Variants in XKR4 observed in about 807,000 individuals in gnomAD.
XKR4 encodes the protein XK related 4, also known as XK-related protein 4.
XKR4 carries 12 observed loss-of-function variants against 53.9 expected under a neutral mutation model. That is an observed-to-expected ratio of 0.22 (90% CI 0.14 to 0.36). XKR4 has a LOEUF of 0.36. XKR4 is among the 10% of genes least tolerant of loss of function. The pLI, the probability that XKR4 is intolerant of heterozygous loss-of-function variation, is 1.00. For missense variants in XKR4, 799 were observed against 859.5 expected, an observed-to-expected ratio of 0.93 and a Z score of 0.88; for synonymous variants, 354 against 362.4, an observed-to-expected ratio of 0.98 and a Z score of 0.26.
chr8:55,301,849 T>C (rs1485337362), intron 1 of XKR4, among the ~76,000 whole-genome samples: 1 of 152,242 alleles, frequency 6.6e-6, no homozygotes, highest in Non-Finnish European at 1.5e-5. Context: ...GGTTGTTTGT[T>C]TTTTTCTTGT....
chr8:55,277,772 G>A (rs1286646495), intron 1 of XKR4, among the ~76,000 whole-genome samples: 1 of 152,080 alleles, frequency 6.6e-6, no homozygotes, highest in Non-Finnish European at 1.5e-5. Context: ...AGACTACAGA[G>A]GGAGGCCCAT....
chr8:55,424,035 C>G (rs1239844126), intron 2 of XKR4, among the ~76,000 whole-genome samples: 1 of 152,210 alleles, frequency 6.6e-6, no homozygotes, highest in Non-Finnish European at 1.5e-5. Context: ...CAAACGCACA[C>G]CTGGGCCATC....
chr8:55,244,091 G>A (rs1818249408), intron 1 of XKR4, among the ~76,000 whole-genome samples: 1 of 152,090 alleles, frequency 6.6e-6, no homozygotes, highest in African/African-American at 2.4e-5. Flanking sequence ...TTAGGTTCAG[G>A]GGAACATGTG....
chr8:55,244,454 A>T (rs942492542), intron 1 of XKR4, among the ~76,000 whole-genome samples: 6 of 152,038 alleles, frequency 3.9e-5, no homozygotes, highest in African/African-American at 1.4e-4. Context: ...CATTTCCTTT[A>T]TTCAGTCTAC....
rs1460863768 is a variant in XKR4 at position 55,523,345 on chromosome 8, C to G, written c.1071C>G (p.Leu357=). 1.2e-6 allele frequency: 2 copies of G among 1,614,154 alleles called. No homozygotes were observed. Among genetic ancestry groups the G allele is most frequent in the South Asian group, 1.1e-5 (1 of 91,078 alleles). Residue 357 remains leucine (L), a synonymous_variant, in exon 3 of 3, where the codon CTC becomes CTG. Coordinates refer to ENST00000327381, the MANE Select transcript of XKR4 (RefSeq NM_052898.2). ...CCTTGGCCTCCTACCAGAAGGCCCT[C>G]CGGGACTCTCGAGATGACAAGAAGC... ...AWALASYQKA[L]RDSRDDKKPI...
intron 2 of XKR4, among the ~76,000 whole-genome samples, chr8:55,383,832 G>A (rs1393854192): frequency 6.6e-6 from 1 of 152,070 alleles, no homozygotes; most frequent in Non-Finnish European, 1.5e-5. Flanking sequence ...AAGGTTATAG[G>A]AAGAAAAAGG....
chr8:55,163,117 C>T (rs1413914276), intron 1 of XKR4, among the ~76,000 whole-genome samples: 1 of 152,214 alleles, frequency 6.6e-6, no homozygotes, highest in Non-Finnish European at 1.5e-5. Flanking sequence ...TAGAATGTCT[C>T]TCTCCCTAAA....
chr8:55,270,506 A>G (rs925456905), intron 1 of XKR4, among the ~76,000 whole-genome samples: 2 of 152,138 alleles, frequency 1.3e-5, no homozygotes, highest in Non-Finnish European at 2.9e-5. Context: ...TGTCTATCTG[A>G]TGATTCCCAT....
intron 1 of XKR4, among the ~76,000 whole-genome samples, chr8:55,280,110 A>G (rs896502446): frequency 3.3e-5 from 5 of 152,346 alleles, no homozygotes; most frequent in South Asian, 4.1e-4. Context: ...CACTTTTCAA[A>G]TTAAAATGAA....
intron 2 of XKR4, among the ~76,000 whole-genome samples, chr8:55,494,936 G>A (rs1186236414): frequency 6.6e-6 from 1 of 152,126 alleles, no homozygotes; most frequent in East Asian, 1.9e-4. Context: ...GCATCACCAG[G>A]CACATGCCCA....
chr8:55,338,868 A>G (rs1803501819), intron 1 of XKR4, among the ~76,000 whole-genome samples: 1 of 152,252 alleles, frequency 6.6e-6, no homozygotes, highest in Non-Finnish European at 1.5e-5. Flanking sequence ...GATTCCAGAC[A>G]AAGCTAACAT....
intron 1 of XKR4, among the ~76,000 whole-genome samples, chr8:55,281,684 C>G (rs1435952375): frequency 6.6e-6 from 1 of 152,186 alleles, no homozygotes; most frequent in African/African-American, 2.4e-5. Flanking sequence ...AGGGAAGTAT[C>G]TTTTCATTGA....
intron 1 of XKR4, among the ~76,000 whole-genome samples, chr8:55,204,084 C>A (rs1048300471): frequency 1.3e-5 from 2 of 152,212 alleles, no homozygotes; most frequent in South Asian, 4.2e-4. Context: ...AATCATAGCT[C>A]ACTGCAGCCT....
intron 2 of XKR4, among the ~76,000 whole-genome samples, chr8:55,499,764 G>A (rs956981770): frequency 1.3e-5 from 2 of 152,218 alleles, no homozygotes; most frequent in African/African-American, 2.4e-5. Flanking sequence ...CACAGCAGTC[G>A]GCTGAATATC....
At chr8:55,198,022 A>G (rs1817528298) in intron 1 of XKR4, among the ~76,000 whole-genome samples, 1 of 152,240 alleles carries the variant, frequency 6.6e-6, no homozygotes, top group Non-Finnish European at 1.5e-5. Flanking sequence ...AAAATGTTTT[A>G]ATGAAAATCA....
At chr8:55,132,558 A>G (rs1225978750) in intron 1 of XKR4, among the ~76,000 whole-genome samples, 2 of 152,206 alleles carry the variant, frequency 1.3e-5, no homozygotes, top group Non-Finnish European at 2.9e-5. Flanking sequence ...ACTGTACTGT[A>G]CCACAGGTAA....
chr8:55,195,125 T>A (rs1249851772), intron 1 of XKR4, among the ~76,000 whole-genome samples: 1 of 152,188 alleles, frequency 6.6e-6, no homozygotes, highest in African/African-American at 2.4e-5. Context: ...TGTCCCTTGT[T>A]TATTTCAGCA....
At chr8:55,242,757 T>G (rs576132878) in intron 1 of XKR4, among the ~76,000 whole-genome samples, 2 of 152,140 alleles carry the variant, frequency 1.3e-5, no homozygotes, top group East Asian at 3.9e-4. Context: ...AGAGGAGGCA[T>G]GTGTGCAGAG....
At chr8:55,375,133 A>G (rs1236394131) in intron 2 of XKR4, among the ~76,000 whole-genome samples, 1 of 152,236 alleles carries the variant, frequency 6.6e-6, no homozygotes, top group Non-Finnish European at 1.5e-5. Flanking sequence ...GTCTTCACAC[A>G]GCGTGTGGCC....
Sources: gnomAD v4.1 joint callset for allele counts (sites outside exome capture counted in the v4.1 genomes callset) on GRCh38, gnomAD v4.1.1 for gene constraint, MANE v1.5 for transcripts, NCBI Gene and HGNC (gene_info 2026-07-23, HGNC 2026-07-21) for gene names.